The following TMTC2 variants were observed in gnomAD, a reference collection of about 807,000 sequenced individuals.
TMTC2 encodes transmembrane O-mannosyltransferase targeting cadherins 2.
A neutral mutation model predicts 82.4 loss-of-function variants in TMTC2; 43 were observed. That is an observed-to-expected ratio of 0.52 (90% CI 0.41 to 0.67). TMTC2 has a LOEUF of 0.67. Ranked by LOEUF, TMTC2 falls within the 30% of genes least tolerant of loss-of-function variation. TMTC2 has a pLI of 0.00. For missense variants in TMTC2, 919 were observed against 1,012.4 expected (o/e 0.91, Z 1.25); for synonymous variants, 408 against 381.9 (o/e 1.07, Z -0.80).
chr12:82,965,768 T>C (rs773430750), intron 6 of TMTC2, 24 bp downstream of exon 6: 15 of 1,612,178 alleles, frequency 9.3e-6, no homozygotes, highest in Middle Eastern at 1.7e-4. Context: ...CTCTCTGTCC[T>C]TTTCCCTCCC....
At position 82,809,445 on chromosome 12, in the gene TMTC2, G is replaced by C. The variant is rs920208221; in HGVS notation, c.84-47565G>C. On this transcript the variant is annotated intron_variant, in intron 1 of 11. Coordinates refer to ENST00000321196, the MANE Select transcript of TMTC2 (RefSeq NM_152588.3). ...CTGGGTACAGTTTTGTAGGGTAAAGGAGACAGTTGTATTGGGACTCATTTT... is the reference window on the plus strand; with the variant it reads ...CTGGGTACAGTTTTGTAGGGTAAAGCAGACAGTTGTATTGGGACTCATTTT... Among the ~76,000 whole-genome samples, 6 of 152,088 alleles carry C rather than the reference G, an allele frequency of 3.9e-5. No individual in the cohort carries two copies. The South Asian group carries it at 1.2e-3, about 32-fold the overall frequency.
chr12:83,012,914 G>A (rs562833331), intron 8 of TMTC2, among the ~76,000 whole-genome samples: 2 of 152,112 alleles, frequency 1.3e-5, no homozygotes, highest in East Asian at 3.8e-4. Context: ...TAATATTTAT[G>A]TATTTCAGCT....
At chr12:82,978,493 G>C (rs1312395980) in intron 7 of TMTC2, among the ~76,000 whole-genome samples, 1 of 151,608 alleles carries the variant, frequency 6.6e-6, no homozygotes. Flanking sequence ...TGTGTGTGTA[G>C]TTTTCAAAAT....
In TMTC2 at chr12:82,882,571, G is replaced by C. The variant is rs532197253; in HGVS notation, c.655-13247G>C. On this transcript the variant is annotated intron_variant, in intron 2 of 11. Coordinates refer to ENST00000321196, the MANE Select transcript of TMTC2 (RefSeq NM_152588.3). Reference sequence around the variant, plus strand: ...CCCTCTTGCTTGCTTAGTAAACCCAGAATGTTCAACTCAGCGGCCTTTTAA... The same window carrying C: ...CCCTCTTGCTTGCTTAGTAAACCCACAATGTTCAACTCAGCGGCCTTTTAA... Among the ~76,000 whole-genome samples the C allele has an allele frequency of 6.6e-5, 10 of 152,188 alleles. No individual in the cohort carries two copies. The South Asian group carries it at 2.1e-3, about 32-fold the overall frequency.
chr12:82,958,790 T>C (rs1877757826), intron 4 of TMTC2, among the ~76,000 whole-genome samples: 1 of 151,942 alleles, frequency 6.6e-6, no homozygotes, highest in South Asian at 2.1e-4. Context: ...ATGCCGACTC[T>C]CACCACTCCT....
intron 1 of TMTC2, among the ~76,000 whole-genome samples, chr12:82,837,995 A>AT (rs1297399491): frequency 6.6e-6 from 1 of 152,196 alleles, no homozygotes; most frequent in East Asian, 1.9e-4. Context: ...CTTTATTTAC[A>AT]TCACAAAAAG....
intron 11 of TMTC2, among the ~76,000 whole-genome samples, chr12:83,107,983 G>A (rs1259902939): frequency 1.3e-5 from 2 of 152,080 alleles, no homozygotes; most frequent in East Asian, 3.9e-4. Context: ...AAATATGGTT[G>A]TTTAAAAGTG....
At position 83,120,784 on chromosome 12, in the gene TMTC2, A is replaced by G. The variant is rs560864121; in HGVS notation, c.2332-11426A>G. 3.3e-5 allele frequency among the ~76,000 whole-genome samples: 5 copies of G among 152,302 alleles called. No individual in the cohort carries two copies. The East Asian group carries it at 9.6e-4, about 29-fold the overall frequency. ...TAGATTTATCTTCTTCCTCAAAAAC[A>G]CTGATTATTCTTAGGTTTGGCTGTT... is the stretch of plus-strand genomic sequence containing the variant. On this transcript the variant is annotated intron_variant, in intron 11 of 11. Transcript: ENST00000321196.
intron 8 of TMTC2, among the ~76,000 whole-genome samples, chr12:82,997,384 G>A (rs9888389): frequency 0.014 from 429 of 29,672 alleles, 21 homozygotes; most frequent in African/African-American, 0.032. Context: ...ATATATATGT[G>A]TATATATATA....
At chr12:82,950,387 G>T (rs935503212) in intron 4 of TMTC2, among the ~76,000 whole-genome samples, 5 of 152,134 alleles carry the variant, frequency 3.3e-5, no homozygotes. Flanking sequence ...AGAAAATGTA[G>T]TCTTAGTTAT....
chr12:82,709,953 C>G (rs747326296), intron 1 of TMTC2, among the ~76,000 whole-genome samples: 13 of 152,110 alleles, frequency 8.5e-5, no homozygotes, highest in Non-Finnish European at 1.6e-4. Context: ...TTCCATAATT[C>G]TGTAGTTTTT....
chr12:82,782,907 C>T (rs1349988922), intron 1 of TMTC2, among the ~76,000 whole-genome samples: 1 of 151,930 alleles, frequency 6.6e-6, no homozygotes, highest in Non-Finnish European at 1.5e-5. Context: ...TTCCTTTTTG[C>T]ACAGAGACAA....
chr12:82,890,591 C>T (rs1436432913), intron 2 of TMTC2, among the ~76,000 whole-genome samples: 1 of 152,170 alleles, frequency 6.6e-6, no homozygotes, highest in Non-Finnish European at 1.5e-5. Context: ...CAGTGACCCT[C>T]AACTTTGGCT....
chr12:83,075,397 G>A (rs1210516544), intron 11 of TMTC2, among the ~76,000 whole-genome samples: 1 of 152,150 alleles, frequency 6.6e-6, no homozygotes, highest in Non-Finnish European at 1.5e-5. Flanking sequence ...CCTCCATGAT[G>A]ATCTCTTGTC....
intron 8 of TMTC2, among the ~76,000 whole-genome samples, chr12:83,009,055 C>T (rs1330015823): frequency 6.6e-6 from 1 of 152,132 alleles, no homozygotes; most frequent in Non-Finnish European, 1.5e-5. Flanking sequence ...GTCCTGTGAC[C>T]TTCATGAGTT....
At chr12:83,021,355 A>G (rs1880915182) in intron 8 of TMTC2, among the ~76,000 whole-genome samples, 1 of 152,124 alleles carries the variant, frequency 6.6e-6, no homozygotes, top group Non-Finnish European at 1.5e-5. Flanking sequence ...GCACCTTCCT[A>G]TCAACACTTG....
At position 83,050,999 on chromosome 12, in the gene TMTC2, A is replaced by C; in HGVS notation, c.2248A>C (p.Asn750His). The change falls in exon 10 of 12, where the codon AAT becomes CAT. Residue 750 changes from asparagine to histidine, a missense_variant. Coordinates refer to ENST00000321196, the MANE Select transcript of TMTC2 (RefSeq NM_152588.3). ...LDSTEFDVVF[N>H]AAHMLRQASL... ...CAGCACAGAGTTTGATGTTGTCTTC[A>C]ATGCTGCCCACATGCTCAGGTTAGT... The C allele has an allele frequency of 6.2e-7, 1 of 1,610,476 alleles. No homozygotes were observed. The highest frequency in any genetic ancestry group is 8.5e-7 in the Non-Finnish European group (1 of 1,178,014).
chr12:82,828,717 A>G (rs1193152385), intron 1 of TMTC2, among the ~76,000 whole-genome samples: 1 of 152,136 alleles, frequency 6.6e-6, no homozygotes, highest in Non-Finnish European at 1.5e-5. Flanking sequence ...TAGCACTTGG[A>G]CCATACACAT....
chr12:82,795,818 C>T (rs191894028), intron 1 of TMTC2, among the ~76,000 whole-genome samples: 3 of 152,200 alleles, frequency 2.0e-5, no homozygotes, highest in African/African-American at 4.8e-5. Context: ...CTTGGACTTC[C>T]TAGCTTGCAG....
Sources: allele counts gnomAD v4.1 joint callset (sites outside exome capture counted in the v4.1 genomes callset), GRCh38; gene constraint gnomAD v4.1.1; transcripts MANE v1.5; gene names NCBI Gene and HGNC (gene_info 2026-07-23, HGNC 2026-07-21).